The following RUNX1 variants were observed in gnomAD, a reference collection of about 807,000 sequenced individuals.
The protein encoded by RUNX1 is runt-related transcription factor 1.
RUNX1 carries 19 observed loss-of-function variants against 42.8 expected under a neutral mutation model. The observed-to-expected ratio is 0.44, with a 90% CI of 0.31 to 0.65. RUNX1 has a LOEUF of 0.65. RUNX1 is among the 30% of genes least tolerant of loss of function. The probability of loss-of-function intolerance (pLI) is 0.07; values close to 1 mark genes in which losing one functional copy is unlikely to be tolerated. For missense variants in RUNX1, 528 were observed against 672.0 expected (o/e 0.79, Z 2.37); for synonymous variants, 271 against 289.4 (o/e 0.94, Z 0.64).
intron 6 of RUNX1, among the ~76,000 whole-genome samples, chr21:34,842,753 G>A (rs1444398598): frequency 1.3e-5 from 2 of 150,914 alleles, no homozygotes; most frequent in Non-Finnish European, 3.0e-5. Context: ...ACATACACAC[G>A]GACACAGCCA....
At chr21:34,987,262 G>C (rs1167011155) in intron 2 of RUNX1, among the ~76,000 whole-genome samples, 9 of 152,210 alleles carry the variant, frequency 5.9e-5, no homozygotes, top group Admixed American at 2.0e-4. Context: ...TCCGCCTTGT[G>C]GCCAGGGTTT....
At chr21:34,874,610 CAAAA>C (rs59950735) in intron 5 of RUNX1, among the ~76,000 whole-genome samples, 2 of 25,298 alleles carry the variant, frequency 7.9e-5, no homozygotes, top group African/African-American at 2.3e-4. Context: ...AACTCTGTCT[CAAAA>C]AAAAAAAAAA....
rs1413022097 is a variant in RUNX1 at position 34,790,022 on chromosome 21, A to G, written c.*2113T>C. ...TTTACATTTGCTGACATTTTATGGTAATTTAGCTGCAAAAATGTAATACGG... is the reference window on the plus strand; with the variant it reads ...TTTACATTTGCTGACATTTTATGGTGATTTAGCTGCAAAAATGTAATACGG... On this transcript the variant is annotated 3_prime_UTR_variant, in exon 9 of 9. Transcript: ENST00000675419. The G allele has an allele frequency of 2.1e-5, 5 of 232,962 alleles. No homozygotes were observed. Among genetic ancestry groups the G allele is most frequent in the Non-Finnish European group, 4.2e-5 (5 of 117,978 alleles). The allele number at this position is 232,962 out of a possible 1,614,324, so 14.4% of individuals were successfully genotyped here.
At chr21:34,855,743 A>G (rs1355922805) in intron 6 of RUNX1, among the ~76,000 whole-genome samples, 1 of 152,084 alleles carries the variant, frequency 6.6e-6, no homozygotes, top group Admixed American at 6.6e-5. Context: ...AAAACTCTCA[A>G]ATATCCTTTT....
At chr21:34,838,577 T>C (rs993425515) in intron 6 of RUNX1, among the ~76,000 whole-genome samples, 2 of 152,246 alleles carry the variant, frequency 1.3e-5, no homozygotes, top group Non-Finnish European at 2.9e-5. Flanking sequence ...ATATCTGTAT[T>C]TCAGAAGATG....
At chr21:34,821,788 G>T in intron 7 of RUNX1, 1 of 1,092,710 alleles carries the variant, frequency 9.2e-7, no homozygotes, top group Non-Finnish European at 1.3e-6. Context: ...CTACCCCAAG[G>T]CGTGAAAGAA....
chr21:34,887,235 CG>C (rs1038183244), intron 3 of RUNX1, 139 bp from the exon 4 acceptor site: 5 of 335,860 alleles, frequency 1.5e-5, no homozygotes, highest in South Asian at 1.4e-4. Context: ...TTTATTACTG[CG>C]GGGGGTGGGG....
In RUNX1 at chr21:34,972,852, G is replaced by C. The variant is rs527271044; in HGVS notation, c.58+75990C>G. Among the ~76,000 whole-genome samples the C allele has an allele frequency of 1.1e-3, 175 of 152,258 alleles. 2 individuals carry two copies. The highest frequency in any genetic ancestry group is 3.9e-3 in the African/African-American group (164 of 41,552). ...TGCAACTGGACCCACGGGTTGGAGAGAGCCTGATGCTCCCTTTGACTTTTC... is the reference window on the plus strand; with the variant it reads ...TGCAACTGGACCCACGGGTTGGAGACAGCCTGATGCTCCCTTTGACTTTTC... On this transcript the variant is annotated intron_variant, in intron 2 of 8. Coordinates refer to ENST00000675419, the MANE Select transcript of RUNX1 (RefSeq NM_001754.5).
At chr21:35,037,316 G>A (rs2059315828) in intron 2 of RUNX1, among the ~76,000 whole-genome samples, 1 of 152,156 alleles carries the variant, frequency 6.6e-6, no homozygotes. Flanking sequence ...GGCTGTCTGG[G>A]AACTGCCTGA....
chr21:34,925,789 T>C (rs151139900), intron 2 of RUNX1, among the ~76,000 whole-genome samples: 186 of 152,312 alleles, frequency 1.2e-3, no homozygotes, highest in Non-Finnish European at 1.8e-3. Context: ...TTTAGCATGA[T>C]TACAGCATGG....
intron 2 of RUNX1, among the ~76,000 whole-genome samples, chr21:35,022,545 C>G (rs2059206299): frequency 6.6e-6 from 1 of 152,172 alleles, no homozygotes; most frequent in African/African-American, 2.4e-5. Flanking sequence ...TAGAGCATTT[C>G]CACCATTTAG....
intron 6 of RUNX1, among the ~76,000 whole-genome samples, chr21:34,859,058 C>T (rs1278592541): frequency 1.3e-5 from 2 of 152,182 alleles, no homozygotes; most frequent in Admixed American, 1.3e-4. Context: ...TAATAAAAGG[C>T]CAGCATAGAC....
At chr21:34,839,057 G>A (rs74598575) in intron 6 of RUNX1, among the ~76,000 whole-genome samples, 2,596 of 151,992 alleles carry the variant, frequency 0.017, 152 homozygotes, top group Admixed American at 0.1. Flanking sequence ...TTCTCATATC[G>A]TTAAGCTAAG....
At chr21:34,957,054 A>G (rs766895628) in intron 2 of RUNX1, among the ~76,000 whole-genome samples, 2 of 152,146 alleles carry the variant, frequency 1.3e-5, no homozygotes, top group Non-Finnish European at 2.9e-5. Flanking sequence ...ATCTGATGCC[A>G]GGGAAAGGTG....
intron 6 of RUNX1, among the ~76,000 whole-genome samples, chr21:34,837,207 C>T (rs571637280): frequency 1.3e-5 from 2 of 152,258 alleles, no homozygotes; most frequent in South Asian, 2.1e-4. Flanking sequence ...TTTCTAAGCC[C>T]TGGGAGTCTC....
intron 2 of RUNX1, among the ~76,000 whole-genome samples, chr21:35,030,342 C>CAA (rs201638831): frequency 7.2e-6 from 1 of 138,290 alleles, no homozygotes; most frequent in African/African-American, 2.7e-5. Flanking sequence ...GACTCTGTCT[C>CAA]AAAAAAAAAT....
In RUNX1 at chr21:35,006,633, C is replaced by T. The variant is rs79209323; in HGVS notation, c.58+42209G>A. Among the ~76,000 whole-genome samples, 1,354 of 152,284 alleles carry T rather than the reference C, an allele frequency of 8.9e-3. 18 individuals are homozygous for T. Among genetic ancestry groups the T allele is most frequent in the African/African-American group, 0.031 (1,293 of 41,548 alleles). On this transcript the variant is annotated intron_variant, in intron 2 of 8. Transcript: ENST00000675419. ...GTTGTTACATAGGAAGTGCTGGGCA[C>T]AGCACCGCGCACATAAGGGGTGCTC...
At chr21:34,963,107 G>A (rs778066725) in intron 2 of RUNX1, among the ~76,000 whole-genome samples, 1 of 152,212 alleles carries the variant, frequency 6.6e-6, no homozygotes, top group Non-Finnish European at 1.5e-5. Flanking sequence ...GACAGGGCTG[G>A]GACTCTGGTG....
At chr21:34,949,020 C>T (rs1052904671) in intron 2 of RUNX1, among the ~76,000 whole-genome samples, 17 of 152,176 alleles carry the variant, frequency 1.1e-4, no homozygotes, top group African/African-American at 4.1e-4. Flanking sequence ...TCCCAAAGTG[C>T]TGGGATTACA....
Sources: allele counts gnomAD v4.1 joint callset (sites outside exome capture counted in the v4.1 genomes callset), GRCh38; gene constraint gnomAD v4.1.1; transcripts MANE v1.5; gene names NCBI Gene and HGNC (gene_info 2026-07-23, HGNC 2026-07-21).